The following ASCC3 variants were observed in gnomAD, a reference collection of about 807,000 sequenced individuals.
The protein encoded by ASCC3 is ASC-1 complex subunit P200.
A neutral mutation model predicts 256.3 loss-of-function variants in ASCC3; 158 were observed. The ratio of observed to expected loss-of-function variants is 0.62; its 90% CI spans 0.54 to 0.70. ASCC3 has a LOEUF of 0.70. ASCC3 is among the 30% of genes least tolerant of loss of function. ASCC3 has a pLI of 0.00. For synonymous variants in ASCC3, 948 were observed against 883.4 expected (o/e 1.07, Z -1.30); for missense variants, 2,259 against 2,626.0 (o/e 0.86, Z 3.05).
intron 7 of ASCC3, 23 bp from the exon 8 acceptor site, chr6:100,798,861 T>C: frequency 6.3e-7 from 1 of 1,585,806 alleles, no homozygotes; most frequent in South Asian, 1.1e-5. Flanking sequence ...ACAATAAAAA[T>C]CCAATAATAA....
intron 4 of ASCC3, among the ~76,000 whole-genome samples, chr6:100,846,277 A>C (rs1302940244): frequency 6.6e-6 from 1 of 152,218 alleles, no homozygotes; most frequent in Non-Finnish European, 1.5e-5. Flanking sequence ...ATAACAACAG[A>C]ATATAACATA....
At chr6:100,564,351 T>C (rs1003079713) in intron 36 of ASCC3, among the ~76,000 whole-genome samples, 1 of 152,108 alleles carries the variant, frequency 6.6e-6, no homozygotes, top group Non-Finnish European at 1.5e-5. Context: ...CCCACCTCTC[T>C]TCATCCCCCA....
chr6:100,858,836 C>A (rs1192130400), intron 3 of ASCC3: 1 of 553,858 alleles, frequency 1.8e-6, no homozygotes, highest in South Asian at 2.3e-5. Context: ...ATTCAGATTT[C>A]TCCAACGGCC....
At chr6:100,704,143 G>C (rs1225776035) in intron 13 of ASCC3, among the ~76,000 whole-genome samples, 2 of 151,606 alleles carry the variant, frequency 1.3e-5, no homozygotes, top group African/African-American at 4.8e-5. Flanking sequence ...TAGACGTTTA[G>C]AAAATGATTC....
At chr6:100,728,199 ATAT>A (rs1779727519) in intron 10 of ASCC3, among the ~76,000 whole-genome samples, 1 of 152,008 alleles carries the variant, frequency 6.6e-6, no homozygotes, top group Non-Finnish European at 1.5e-5. Context: ...AATAATGAAT[ATAT>A]ATTTTTTCAT....
intron 8 of ASCC3, among the ~76,000 whole-genome samples, chr6:100,770,628 G>A (rs1165019167): frequency 6.6e-6 from 1 of 152,060 alleles, no homozygotes; most frequent in Non-Finnish European, 1.5e-5. Context: ...AAGCTAATGT[G>A]TGAATTCAGG....
Position 100,516,270 on chromosome 6 carries a change from G to A in ASCC3, c.5985C>T (p.Ser1995=). 6.2e-7 allele frequency: 1 copy of A among 1,613,784 alleles called. No individual in the cohort carries two copies. The highest frequency in any genetic ancestry group is 8.5e-7 in the Non-Finnish European group (1 of 1,179,792). ...PHARGRTSIE[S]LPELIHACGG... ...CACAGGCATGGATCAGTTCAGGAAG[G>A]GACTCGATGGAGGTCCGACCCCTAG... The change falls in exon 39 of 42, where the codon TCC becomes TCT. Residue 1995 remains serine (S), a synonymous_variant. Transcript: ENST00000369162.
In ASCC3 at chr6:100,661,950, A is replaced by G. The variant is rs1776243541; in HGVS notation, c.2559T>C (p.Ala853=). 8 of 1,613,446 alleles carry G rather than the reference A, an allele frequency of 5.0e-6. No individual in the cohort carries two copies. Among genetic ancestry groups the G allele is most frequent in the Non-Finnish European group, 6.8e-6 (8 of 1,179,526 alleles). Residue 853 remains alanine, a synonymous_variant, in exon 16 of 42, where the codon GCT becomes GCC. Coordinates refer to ENST00000369162, the MANE Select transcript of ASCC3 (RefSeq NM_006828.4). ...CAAATTTGTCAAATTGTGGTCGTCC[A>G]GCTCGACCAAATATCTGCATGACAT... The part of the protein sequence containing the change: ...ILDVMQIFGR[A]GRPQFDKFGE...
intron 36 of ASCC3, among the ~76,000 whole-genome samples, chr6:100,555,817 T>C (rs1407511738): frequency 6.6e-6 from 1 of 152,190 alleles, no homozygotes; most frequent in African/African-American, 2.4e-5. Flanking sequence ...TGTCACACTC[T>C]GTAATCTATC....
intron 8 of ASCC3, among the ~76,000 whole-genome samples, chr6:100,780,977 T>C (rs1562292386): frequency 6.6e-6 from 1 of 152,194 alleles, no homozygotes; most frequent in African/African-American, 2.4e-5. Flanking sequence ...ACAAGAAATA[T>C]AAGAAGTATT....
intron 37 of ASCC3, among the ~76,000 whole-genome samples, chr6:100,526,794 C>T (rs764593092): frequency 3.9e-5 from 6 of 152,166 alleles, no homozygotes; most frequent in Admixed American, 1.3e-4. Context: ...TCCACTAATA[C>T]GACTTCATCA....
chr6:100,797,861 T>G (rs1159782181), intron 8 of ASCC3, among the ~76,000 whole-genome samples: 2 of 152,148 alleles, frequency 1.3e-5, no homozygotes, highest in Non-Finnish European at 2.9e-5. Context: ...TGGAATAGTA[T>G]GTAGTGATAA....
At chr6:100,873,540 C>T (rs1358929456) in intron 1 of ASCC3, among the ~76,000 whole-genome samples, 1 of 152,094 alleles carries the variant, frequency 6.6e-6, no homozygotes, top group East Asian at 1.9e-4. Flanking sequence ...CTGGGAAATT[C>T]ATCACAAAAA....
rs1238452978 is a variant in ASCC3, at chr6:100,651,618, T to C, written c.3017A>G (p.Lys1006Arg). 1.3e-6 allele frequency: 2 copies of C among 1,588,520 alleles called. No homozygotes were observed. The highest frequency in any genetic ancestry group is 3.4e-5 in the Admixed American group (2 of 59,236). Residue 1006 changes from lysine (K) to arginine (R), a missense_variant, in exon 19 of 42, where the codon AAA (lysine) becomes AGA (arginine). By Grantham distance (26) the Lys-to-Arg change is conservative. Transcript: ENST00000369162. Reference sequence around the variant, plus strand: ...TATGGCAAAGATATCACCTTCTGTTTTGTGAGCATCAAAGAGTTCATTAAA... The same window carrying C: ...TATGGCAAAGATATCACCTTCTGTTCTGTGAGCATCAAAGAGTTCATTAAA... ...ETFNELFDAH[K>R]TEGDIFAIVS...
intron 34 of ASCC3, among the ~76,000 whole-genome samples, chr6:100,600,516 C>T (rs916408978): frequency 1.3e-5 from 2 of 152,082 alleles, no homozygotes; most frequent in South Asian, 2.1e-4. Flanking sequence ...GACACCCTAA[C>T]GGTGGAGGGA....
At position 100,876,110 on chromosome 6, in the gene ASCC3, A is replaced by T. The variant is rs1006473718; in HGVS notation, c.-42+4951T>A. 5.9e-5 allele frequency among the ~76,000 whole-genome samples: 9 copies of T among 152,150 alleles called. No homozygotes were observed. The East Asian group carries it at 1.5e-3, about 26-fold the overall frequency. ...CTCTGAGAATGCAGGCGAGAATGACAACAAAAGCATAGGTCTAGAGAGACT... is the reference window on the plus strand; with the variant it reads ...CTCTGAGAATGCAGGCGAGAATGACTACAAAAGCATAGGTCTAGAGAGACT... On this transcript the variant is annotated intron_variant, in intron 1 of 41. Transcript: ENST00000369162.
intron 36 of ASCC3, among the ~76,000 whole-genome samples, chr6:100,560,344 T>C (rs868373919): frequency 3.5e-4 from 53 of 152,220 alleles, no homozygotes; most frequent in African/African-American, 1.2e-3. Context: ...CCATTTGGAT[T>C]TGAGCTACTT....
At chr6:100,635,847 C>T (rs1460017793) in intron 25 of ASCC3, among the ~76,000 whole-genome samples, 1 of 152,054 alleles carries the variant, frequency 6.6e-6, no homozygotes, top group African/African-American at 2.4e-5. Context: ...AAAAGCTACT[C>T]TATATTTAAT....
intron 14 of ASCC3, among the ~76,000 whole-genome samples, chr6:100,671,362 A>G (rs973028265): frequency 2.6e-5 from 4 of 152,194 alleles, no homozygotes; most frequent in South Asian, 4.1e-4. Flanking sequence ...TACTGTCTGA[A>G]TAACTACAGA....
Sources: gnomAD v4.1 joint callset for allele counts (sites outside exome capture counted in the v4.1 genomes callset) on GRCh38, gnomAD v4.1.1 for gene constraint, MANE v1.5 for transcripts, NCBI Gene and HGNC (gene_info 2026-07-23, HGNC 2026-07-21) for gene names.